Variants in EPHB1 observed in about 807,000 individuals in gnomAD.
EPHB1 encodes the protein EPH receptor B1, also known as ephrin type-B receptor 1.
EPHB1 carries 30 observed loss-of-function variants against 94.4 expected under a neutral mutation model. That is an observed-to-expected ratio of 0.32 (90% confidence interval 0.24 to 0.43). EPHB1 has a LOEUF of 0.43. EPHB1 is among the 20% of genes least tolerant of loss of function. The probability of loss-of-function intolerance (pLI) is 1.00; values close to 1 mark genes in which losing one functional copy is unlikely to be tolerated. For synonymous variants in EPHB1, 522 were observed against 489.1 expected (o/e 1.07, Z -0.89); for missense variants, 1,055 against 1,308.3 (o/e 0.81, Z 2.99).
intron 3 of EPHB1, among the ~76,000 whole-genome samples, chr3:135,101,785 G>A (rs1939045263): frequency 6.6e-6 from 1 of 152,154 alleles, no homozygotes; most frequent in Non-Finnish European, 1.5e-5. Context: ...AATGAACTCA[G>A]GAATACTACT....
Position 134,951,404 on chromosome 3 carries a change from A to C in EPHB1, c.157A>C (p.Asn53His). The change falls in exon 3 of 16, where the codon AAC (asparagine) becomes CAC (histidine). Residue 53 changes from asparagine (N) to histidine (H), a missense_variant. Asn to His is a moderately conservative substitution (Grantham distance 68). Transcript: ENST00000398015. This position sits in a 1 kb window ranked among gnomAD's most constrained non-coding sequence, Gnocchi z 4.5. ...EEVSGYDENLNTIRTYQVCNV... is the reference protein window; with the variant it reads ...EEVSGYDENLHTIRTYQVCNV... Reference sequence around the variant, plus strand: ...AGTCAGTGGCTACGATGAAAACCTGAACACCATCCGCACCTACCAGGTGTG... The same window carrying C: ...AGTCAGTGGCTACGATGAAAACCTGCACACCATCCGCACCTACCAGGTGTG... 1 of 1,584,320 alleles carries C rather than the reference A, an allele frequency of 6.3e-7. No individual in the cohort carries two copies. Among genetic ancestry groups the C allele is most frequent in the Non-Finnish European group, 8.6e-7 (1 of 1,163,116 alleles).
At chr3:134,910,262 T>C (rs1419103705) in intron 1 of EPHB1, among the ~76,000 whole-genome samples, 2 of 152,018 alleles carry the variant, frequency 1.3e-5, no homozygotes, top group African/African-American at 4.8e-5. Context: ...CTACAGTGGG[T>C]AGACCAAATG....
chr3:134,811,557 C>G (rs1373694691), intron 1 of EPHB1, among the ~76,000 whole-genome samples: 1 of 147,986 alleles, frequency 6.8e-6, no homozygotes, highest in Non-Finnish European at 1.5e-5. Flanking sequence ...CTTTTTAAGA[C>G]TTTTTTTTTT....
chr3:135,011,137 A>G (rs1213293350), intron 3 of EPHB1, among the ~76,000 whole-genome samples: 6 of 152,222 alleles, frequency 3.9e-5, no homozygotes, highest in South Asian at 2.1e-4. Context: ...GTTTATATAC[A>G]TGGGTCACAT....
chr3:135,045,415 T>C (rs1176777749), intron 3 of EPHB1, among the ~76,000 whole-genome samples: 4 of 152,242 alleles, frequency 2.6e-5, no homozygotes, highest in Admixed American at 6.5e-5. Context: ...TAAAATACTT[T>C]TGCTGCATAC....
rs916247303 is a variant in EPHB1, at chr3:134,805,171, G to A, written c.58+9482G>A. ...TGGTTTCACGTGAATTCTTGGTGCTGAACTATCTGTGCAGGTTCCTCCAGG... is the reference window on the plus strand; with the variant it reads ...TGGTTTCACGTGAATTCTTGGTGCTAAACTATCTGTGCAGGTTCCTCCAGG... On this transcript the variant is annotated intron_variant, in intron 1 of 15. Coordinates refer to ENST00000398015, the MANE Select transcript of EPHB1 (RefSeq NM_004441.5). Among the ~76,000 whole-genome samples, 12 of 152,296 alleles carry A rather than the reference G, an allele frequency of 7.9e-5. No individual in the cohort carries two copies. In the South Asian group the frequency reaches 1.9e-3, roughly 24 times the overall value.
chr3:135,036,716 A>G (rs1936658671), intron 3 of EPHB1, among the ~76,000 whole-genome samples: 1 of 152,120 alleles, frequency 6.6e-6, no homozygotes, highest in South Asian at 2.1e-4. Flanking sequence ...TCCTATGTCT[A>G]TTTAGGATAT....
At chr3:134,854,373 C>T (rs748290654) in intron 1 of EPHB1, among the ~76,000 whole-genome samples, 3 of 152,126 alleles carry the variant, frequency 2.0e-5, no homozygotes, top group African/African-American at 4.8e-5. Context: ...CCTCTAAACT[C>T]TCCCTCTGGA....
At chr3:134,877,734 G>A (rs1264648002) in intron 1 of EPHB1, among the ~76,000 whole-genome samples, 1 of 152,180 alleles carries the variant, frequency 6.6e-6, no homozygotes, top group Non-Finnish European at 1.5e-5. Context: ...GGGTGTTTCT[G>A]CTATAGAAAG....
chr3:135,114,538 A>G (rs1029491387), intron 4 of EPHB1, among the ~76,000 whole-genome samples: 4 of 13,484 alleles, frequency 3.0e-4, no homozygotes, highest in Admixed American at 1.5e-3. Flanking sequence ...TGTCTCTACT[A>G]AAAAAAAAAA....
At chr3:134,812,469 C>T (rs943318400) in intron 1 of EPHB1, among the ~76,000 whole-genome samples, 4 of 152,224 alleles carry the variant, frequency 2.6e-5, no homozygotes, top group African/African-American at 9.7e-5. Context: ...TGCTGAGTAG[C>T]ATTCCATTGC....
intron 11 of EPHB1, among the ~76,000 whole-genome samples, chr3:135,193,849 CACA>C (rs1404177594): frequency 1.3e-5 from 2 of 152,200 alleles, no homozygotes; most frequent in African/African-American, 2.4e-5. Flanking sequence ...AGTGGCTTAG[CACA>C]ACAACAATTT....
chr3:135,003,302 GA>G (rs1221977977), intron 3 of EPHB1, among the ~76,000 whole-genome samples: 1 of 151,978 alleles, frequency 6.6e-6, no homozygotes, highest in African/African-American at 2.4e-5. Flanking sequence ...GTTCTAGTTT[GA>G]TTGCACTGTG....
intron 7 of EPHB1, among the ~76,000 whole-genome samples, chr3:135,162,500 T>G (rs1410970693): frequency 6.6e-6 from 1 of 152,186 alleles, no homozygotes; most frequent in Non-Finnish European, 1.5e-5. Context: ...TGCCTCTGTT[T>G]CACCCTCACG....
Position 135,070,848 on chromosome 3 carries a change from G to A in EPHB1, c.806-35600G>A, listed in dbSNP as rs76773127. 2.3e-4 allele frequency among the ~76,000 whole-genome samples: 35 copies of A among 152,176 alleles called. No individual in the cohort carries two copies. The East Asian group carries it at 5.0e-3, about 22-fold the overall frequency. On this transcript the variant is annotated intron_variant, in intron 3 of 15. Transcript: ENST00000398015. ...GGATGGTAGGGTCAGAATGAGTATCGGGCATAGGAGAGAAAGCTCTGTAAC... is the reference window on the plus strand; with the variant it reads ...GGATGGTAGGGTCAGAATGAGTATCAGGCATAGGAGAGAAAGCTCTGTAAC...
At chr3:135,098,067 C>A (rs1938873226) in intron 3 of EPHB1, among the ~76,000 whole-genome samples, 1 of 152,154 alleles carries the variant, frequency 6.6e-6, no homozygotes, top group Non-Finnish European at 1.5e-5. Context: ...CCTCTAAAGA[C>A]CTCTGTCACA....
intron 1 of EPHB1, among the ~76,000 whole-genome samples, chr3:134,882,784 T>TTCTTTC (rs2037775059): frequency 6.1e-5 from 4 of 65,826 alleles, no homozygotes; most frequent in African/African-American, 2.0e-4. Flanking sequence ...CTTTCTTTCT[T>TTCTTTC]TCTTTCTTTC....
intron 3 of EPHB1, among the ~76,000 whole-genome samples, chr3:135,024,584 C>T (rs993858487): frequency 6.6e-6 from 1 of 152,138 alleles, no homozygotes; most frequent in Non-Finnish European, 1.5e-5. Context: ...CATCCTACAC[C>T]GGGGGGTTGT....
intron 3 of EPHB1, among the ~76,000 whole-genome samples, chr3:135,053,759 G>A (rs1021030663): frequency 6.6e-6 from 1 of 152,168 alleles, no homozygotes; most frequent in South Asian, 2.1e-4. Flanking sequence ...GGCTGAGGTA[G>A]CAAGACCACT....
Sources: allele counts gnomAD v4.1 joint callset (sites outside exome capture counted in the v4.1 genomes callset), GRCh38; gene constraint gnomAD v4.1.1; non-coding constraint Gnocchi (gnomAD v3.1); transcripts MANE v1.5; gene names NCBI Gene and HGNC (gene_info 2026-07-23, HGNC 2026-07-21).